Variants in TFCP2L1 observed in about 807,000 individuals in gnomAD.
The protein encoded by TFCP2L1 is transcription factor CP2-like protein 1.
A neutral mutation model predicts 72.2 loss-of-function variants in TFCP2L1; 12 were observed. That is an observed-to-expected ratio of 0.17 (90% CI 0.11 to 0.27). The LOEUF (loss-of-function observed/expected upper bound fraction) is 0.27, where lower values mean the gene tolerates loss of function less well. Among genes scored for constraint, TFCP2L1 ranks in the 10% least tolerant of loss-of-function variants. TFCP2L1 has a pLI of 1.00. For synonymous variants in TFCP2L1, 260 were observed against 251.0 expected, an observed-to-expected ratio of 1.04 and a Z score of -0.34; for missense variants, 488 against 624.6, an observed-to-expected ratio of 0.78 and a Z score of 2.33.
At chr2:121,240,828 G>A (rs905711141) in intron 7 of TFCP2L1, 14 of 808,182 alleles carry the variant, frequency 1.7e-5, no homozygotes, top group Non-Finnish European at 1.9e-5. Flanking sequence ...ACTCCTTTGC[G>A]GGCCGTGGGG....
chr2:121,278,061 G>A (rs1444648466), intron 2 of TFCP2L1, among the ~76,000 whole-genome samples: 1 of 131,126 alleles, frequency 7.6e-6, no homozygotes, highest in East Asian at 2.2e-4. Flanking sequence ...ACGGAGTCTC[G>A]CTCTGTCGCC....
intron 2 of TFCP2L1, among the ~76,000 whole-genome samples, chr2:121,277,448 G>A (rs1452136121): frequency 1.3e-5 from 2 of 152,222 alleles, no homozygotes; most frequent in African/African-American, 2.4e-5. Flanking sequence ...TGGCTGGCAC[G>A]TAAATTGGTG....
chr2:121,229,324 G>A (rs948561260), intron 13 of TFCP2L1, among the ~76,000 whole-genome samples: 3 of 152,100 alleles, frequency 2.0e-5, no homozygotes, highest in Admixed American at 6.6e-5. Flanking sequence ...ACTATTCCAG[G>A]AGAAAAGAAG....
At position 121,224,106 on chromosome 2, in the gene TFCP2L1, C is replaced by G; in HGVS notation, c.*235G>C. The G allele has an allele frequency of 1.0e-5, 6 of 584,314 alleles. No homozygotes were observed. The highest frequency in any genetic ancestry group is 3.0e-5 in the Admixed American group (1 of 33,010). The allele number at this position is 584,314 out of a possible 1,614,324, so 36.2% of individuals were successfully genotyped here. ...GGACCAATAGAAAAGAACAAGGAAC[C>G]ATTCAAAATCTGGAGGCCAAGAGGA... On this transcript the variant is annotated 3_prime_UTR_variant, in exon 15 of 15. Transcript: ENST00000263707.
chr2:121,276,301 T>G (rs1189551774), intron 2 of TFCP2L1, among the ~76,000 whole-genome samples: 1 of 144,310 alleles, frequency 6.9e-6, no homozygotes, highest in Admixed American at 7.2e-5. Flanking sequence ...CACTTATGAG[T>G]GAGAATATGC....
chr2:121,274,369 C>T (rs1445207598), intron 2 of TFCP2L1, among the ~76,000 whole-genome samples: 2 of 152,070 alleles, frequency 1.3e-5, no homozygotes, highest in Non-Finnish European at 2.9e-5. Flanking sequence ...CTGACGTGAC[C>T]CCACATATTG....
rs927795927 is a variant in TFCP2L1 at position 121,221,314 on chromosome 2, A to C, written c.*3027T>G. ...GGAACATCAGAGAGAGATAGGACTC[A>C]GTACCGTTGACTCAGGTAAAGAGGG... is the stretch of plus-strand genomic sequence containing the variant. On this transcript the variant is annotated 3_prime_UTR_variant, in exon 15 of 15. Transcript: ENST00000263707. 2 of 152,150 alleles carry C rather than the reference A, an allele frequency of 1.3e-5. No homozygotes were observed. The highest frequency in any genetic ancestry group is 4.8e-5 in the African/African-American group (2 of 41,430). The allele number at this position is 152,150 out of a possible 1,614,324, so 9.4% of individuals were successfully genotyped here. A position where few individuals can be genotyped will look rare whatever the true frequency, so the allele number is the denominator to read the frequency against.
rs36110149 is a variant in TFCP2L1, at chr2:121,221,958, TAA to T, written c.*2381_*2382del. 2.2e-4 allele frequency: 33 copies of T among 150,180 alleles called. No homozygotes were observed. The highest frequency in any genetic ancestry group is 2.0e-4 in the East Asian group (1 of 5,112). 9.3% of individuals were successfully genotyped at this position (150,180 alleles called of 1,614,324 possible). A position where few individuals can be genotyped will look rare whatever the true frequency, so the allele number is the denominator to read the frequency against. On this transcript the variant is annotated 3_prime_UTR_variant, in exon 15 of 15. Coordinates refer to ENST00000263707, the MANE Select transcript of TFCP2L1 (RefSeq NM_014553.3). Reference sequence around the variant, plus strand: ...CTAGTGGTTAGGAAAACAGAAAACTTAAAAAAAAAAAGACAACTCAATTAAAA... The same window carrying T: ...CTAGTGGTTAGGAAAACAGAAAACTTAAAAAAAAAGACAACTCAATTAAAA...
At position 121,222,609 on chromosome 2, in the gene TFCP2L1, T is replaced by C. The variant is rs1193889733; in HGVS notation, c.*1732A>G. 6.6e-6 allele frequency: 1 copy of C among 152,140 alleles called. No homozygotes were observed. Among genetic ancestry groups the C allele is most frequent in the East Asian group, 1.9e-4 (1 of 5,198 alleles). 9.4% of individuals were successfully genotyped at this position (152,140 alleles called of 1,614,324 possible). On this transcript the variant is annotated 3_prime_UTR_variant, in exon 15 of 15. Coordinates refer to ENST00000263707, the MANE Select transcript of TFCP2L1 (RefSeq NM_014553.3). ...GAGTAGGTTAATCTTACATAGAAAG[T>C]AGATTCATGGCTGCCTTGGACTGCA...
intron 2 of TFCP2L1, among the ~76,000 whole-genome samples, chr2:121,280,085 A>G (rs1422077660): frequency 6.6e-6 from 1 of 152,176 alleles, no homozygotes; most frequent in East Asian, 1.9e-4. Flanking sequence ...GGAAAAGGGA[A>G]CCAGCAACTG....
At chr2:121,269,282 C>G (rs1686995517) in intron 2 of TFCP2L1, among the ~76,000 whole-genome samples, 1 of 151,640 alleles carries the variant, frequency 6.6e-6, no homozygotes, top group Non-Finnish European at 1.5e-5. Flanking sequence ...AATCCCAACT[C>G]TACAAAAATA....
intron 2 of TFCP2L1, among the ~76,000 whole-genome samples, chr2:121,279,206 C>A (rs556752478): frequency 6.6e-6 from 1 of 152,316 alleles, no homozygotes; most frequent in East Asian, 1.9e-4. Flanking sequence ...ATGCTATAAA[C>A]ATCTCATTTT....
intron 2 of TFCP2L1, among the ~76,000 whole-genome samples, chr2:121,271,560 C>T (rs554040099): frequency 6.6e-6 from 1 of 152,252 alleles, no homozygotes; most frequent in East Asian, 1.9e-4. Flanking sequence ...AAGAAAACTT[C>T]AGCTATGGAA....
In TFCP2L1 at chr2:121,231,942, G is replaced by A; in HGVS notation, c.1225C>T (p.Leu409=). 1 of 1,608,354 alleles carries A rather than the reference G, an allele frequency of 6.2e-7. No individual in the cohort carries two copies. The highest frequency in any genetic ancestry group is 8.5e-7 in the Non-Finnish European group (1 of 1,176,384). The change falls in exon 13 of 15, where the codon CTG becomes TTG. Residue 409 remains leucine (L), a synonymous_variant. Coordinates refer to ENST00000263707, the MANE Select transcript of TFCP2L1 (RefSeq NM_014553.3). ...TTCTCAATCAGCTCCAAGGTGGTCAGCTCTTCCAGGAAGATGGCGTGGTAC... is the reference window on the plus strand; with the variant it reads ...TTCTCAATCAGCTCCAAGGTGGTCAACTCTTCCAGGAAGATGGCGTGGTAC... ...SVYHAIFLEE[L]TTLELIEKIA... is the part of the protein sequence containing the mutation.
Position 121,246,793 on chromosome 2 carries a change from G to C in TFCP2L1, c.657+25C>G, listed in dbSNP as rs773323495. 16 of 1,613,674 alleles carry C rather than the reference G, an allele frequency of 9.9e-6. No homozygotes were observed. In the Admixed American group the frequency reaches 2.2e-4, roughly 22 times the overall value. ...ACAGGCCAGGCCAGCAGCAGGGCAC[G>C]GCAGAGCCTGCGAAGCCATCCTACC... On this transcript the variant is annotated intron_variant, in intron 6 of 14. Transcript: ENST00000263707.
At chr2:121,248,938 G>A in intron 4 of TFCP2L1, 44 bp downstream of exon 4, 9 of 1,463,744 alleles carry the variant, frequency 6.1e-6, no homozygotes, top group Non-Finnish European at 8.3e-6. Context: ...ATGTGGCCTG[G>A]GTGCCTCGAG....
At chr2:121,242,787 TG>T (rs1468370465) in intron 6 of TFCP2L1, among the ~76,000 whole-genome samples, 2 of 152,090 alleles carry the variant, frequency 1.3e-5, no homozygotes, top group Non-Finnish European at 2.9e-5. Flanking sequence ...CAGAGGAAAG[TG>T]GAAGAAGTAC....
intron 10 of TFCP2L1, among the ~76,000 whole-genome samples, chr2:121,236,227 T>C (rs1463487124): frequency 2.0e-5 from 3 of 152,184 alleles, no homozygotes; most frequent in Non-Finnish European, 4.4e-5. Flanking sequence ...TACATGTCTT[T>C]GTTCATTACA....
chr2:121,225,665 G>C (rs1297869249), intron 13 of TFCP2L1, 52 bp from the exon 14 acceptor site: 2 of 1,603,884 alleles, frequency 1.2e-6, no homozygotes, highest in South Asian at 2.2e-5. Flanking sequence ...TCATCATTTG[G>C]AAAGCCTCGG....
Sources: gnomAD v4.1 joint callset for allele counts (sites outside exome capture counted in the v4.1 genomes callset) on GRCh38, gnomAD v4.1.1 for gene constraint, MANE v1.5 for transcripts, NCBI Gene and HGNC (gene_info 2026-07-23, HGNC 2026-07-21) for gene names.